BCAS3: variants seen among roughly 807,000 people sequenced by gnomAD.
BCAS3 encodes the protein BCAS4/BCAS3 fusion.
In BCAS3, 53 loss-of-function variants were observed where a neutral mutation model predicts 116.1. The ratio of observed to expected loss-of-function variants is 0.46; its 90% CI spans 0.37 to 0.57. The LOEUF (loss-of-function observed/expected upper bound fraction) is 0.57. BCAS3 is among the 20% of genes least tolerant of loss of function. The pLI, the probability that BCAS3 is intolerant of heterozygous loss-of-function variation, is 0.00. For missense variants in BCAS3, 917 were observed against 1,165.4 expected (o/e 0.79, Z 3.10); for synonymous variants, 391 against 408.2 (o/e 0.96, Z 0.51).
intron 11 of BCAS3, among the ~76,000 whole-genome samples, chr17:60,904,471 C>T (rs1206566907): frequency 6.6e-6 from 1 of 151,974 alleles, no homozygotes; most frequent in Admixed American, 6.6e-5. Context: ...TCTCATACCT[C>T]AATATTGGGA....
chr17:60,805,748 A>G (rs2048212450), intron 6 of BCAS3, among the ~76,000 whole-genome samples: 1 of 151,928 alleles, frequency 6.6e-6, no homozygotes, highest in African/African-American at 2.4e-5. Flanking sequence ...GAATAGCTCG[A>G]ACCTGGGAGG....
At chr17:60,999,784 G>GCATGGAATGCC (rs1375767367) in intron 15 of BCAS3, among the ~76,000 whole-genome samples, 1 of 152,104 alleles carries the variant, frequency 6.6e-6, no homozygotes, top group Non-Finnish European at 1.5e-5. Context: ...CAATCCATGG[G>GCATGGAATGCC]CATGGAATGC....
chr17:60,906,946 C>T (rs377084721), intron 11 of BCAS3, among the ~76,000 whole-genome samples: 6 of 151,980 alleles, frequency 3.9e-5, no homozygotes, highest in East Asian at 1.9e-4. Flanking sequence ...TTACTCTTTC[C>T]GATGACAGCT....
chr17:61,026,936 C>G lies in BCAS3; in HGVS notation c.1638-7730C>G. ...GTGAGTTCCAGTTCAGTCCCGCATGCCTCATTCATTTGCTGTACTCTCAAA... is the reference window on the plus strand; with the variant it reads ...GTGAGTTCCAGTTCAGTCCCGCATGGCTCATTCATTTGCTGTACTCTCAAA... On this transcript the variant is annotated intron_variant, in intron 16 of 23. Coordinates refer to ENST00000407086, the MANE Select transcript of BCAS3 (RefSeq NM_017679.5). The surrounding 1 kb of genome is among the most constrained non-coding windows in gnomAD (Gnocchi z 5.0). 6.3e-7 allele frequency: 1 copy of G among 1,588,578 alleles called. No homozygotes were observed. The highest frequency in any genetic ancestry group is 8.6e-7 in the Non-Finnish European group (1 of 1,164,686).
chr17:60,830,448 A>T (rs2050816995), intron 7 of BCAS3, among the ~76,000 whole-genome samples: 1 of 152,222 alleles, frequency 6.6e-6, no homozygotes, highest in Admixed American at 6.5e-5. Context: ...AATGGGACAA[A>T]CATGAAGTCC....
At chr17:61,191,571 T>A (rs988422777) in intron 22 of BCAS3, among the ~76,000 whole-genome samples, 5 of 151,550 alleles carry the variant, frequency 3.3e-5, no homozygotes, top group African/African-American at 4.9e-5. Context: ...GTCAGGAGAT[T>A]GAGACCATGC....
chr17:60,918,419 A>G (rs2058887675), intron 12 of BCAS3, among the ~76,000 whole-genome samples: 2 of 152,204 alleles, frequency 1.3e-5, no homozygotes, highest in African/African-American at 4.8e-5. Context: ...CACCATGAGC[A>G]CTTAGCATTT....
chr17:61,376,608 G>A lies in BCAS3; in HGVS notation c.2593+8114G>A, dbSNP rs2059353314. 6.6e-6 allele frequency among the ~76,000 whole-genome samples: 1 copy of A among 152,150 alleles called. No individual in the cohort carries two copies. The highest frequency in any genetic ancestry group is 1.5e-5 in the Non-Finnish European group (1 of 68,036). ...CCAAGCCTTACCTCTCCAACTTCCT[G>A]GGTCCCCTTCTCAAGATGCACAAGG... On this transcript the variant is annotated intron_variant, in intron 23 of 23. Coordinates refer to ENST00000407086, the MANE Select transcript of BCAS3 (RefSeq NM_017679.5). This position sits in a 1 kb window ranked among gnomAD's most constrained non-coding sequence, Gnocchi z 4.5.
Position 61,241,450 on chromosome 17 carries a change from C to T in BCAS3, c.2426-126877C>T, listed in dbSNP as rs573216392. 6.6e-6 allele frequency among the ~76,000 whole-genome samples: 1 copy of T among 151,982 alleles called. No homozygotes were observed. The highest frequency in any genetic ancestry group is 1.5e-5 in the Non-Finnish European group (1 of 67,986). On this transcript the variant is annotated intron_variant, in intron 22 of 23. Coordinates refer to ENST00000407086, the MANE Select transcript of BCAS3 (RefSeq NM_017679.5). This position sits in a 1 kb window ranked among gnomAD's most constrained non-coding sequence, Gnocchi z 4.6. ...AGTTTGGGCCTGCGCAGTGGCTCAC[C>T]CCTGTAATCCCAACACTTTGGGAGG...
chr17:60,777,566 T>C (rs7209463), intron 6 of BCAS3, among the ~76,000 whole-genome samples: 41,971 of 151,820 alleles, frequency 0.28, 11,460 homozygotes, highest in African/African-American at 0.72. Flanking sequence ...GTGGAGTTTG[T>C]AGTGAGCTGA....
intron 9 of BCAS3, among the ~76,000 whole-genome samples, chr17:60,879,384 G>A (rs778158773): frequency 2.0e-5 from 3 of 152,206 alleles, no homozygotes; most frequent in Non-Finnish European, 2.9e-5. Context: ...GTCCATCAGA[G>A]CAAGCATCAT....
rs1219425959 is a variant in BCAS3 at position 61,205,077 on chromosome 17, C to A, written c.2425+120513C>A. On this transcript the variant is annotated intron_variant, in intron 22 of 23. Transcript: ENST00000407086. This position sits in a 1 kb window ranked among gnomAD's most constrained non-coding sequence, Gnocchi z 5.2. ...GGATAAAAATTTAGGGAGGCCGATT[C>A]CATCTGCAATCAAAAGCTAACTTTT... 6.6e-6 allele frequency among the ~76,000 whole-genome samples: 1 copy of A among 151,934 alleles called. No homozygotes were observed. Among genetic ancestry groups the A allele is most frequent in the Admixed American group, 6.6e-5 (1 of 15,254 alleles).
At position 60,874,684 on chromosome 17, in the gene BCAS3, G is replaced by A; in HGVS notation, c.607G>A (p.Glu203Lys). The change falls in exon 9 of 24, where the codon GAG becomes AAG. Residue 203 changes from glutamate to lysine, a missense_variant. This residue lies in a region of BCAS3 where 807 missense variants were observed against 1,026.0 expected (regional missense o/e 0.79). Transcript: ENST00000407086. ...TAGGATCCTTGTCGTAGTCTTGCAG[G>A]AGAAAATTGCTGCCTTTGATAGCTG... is the stretch of plus-strand genomic sequence containing the variant. Reference protein sequence around the residue: ...NKRILVVVLQEKIAAFDSCTF... With the variant: ...NKRILVVVLQKKIAAFDSCTF... 3.1e-6 allele frequency: 5 copies of A among 1,610,784 alleles called. No individual in the cohort carries two copies. The highest frequency in any genetic ancestry group is 4.2e-6 in the Non-Finnish European group (5 of 1,178,364).
chr17:61,192,902 C>G (rs2046543429), intron 22 of BCAS3, among the ~76,000 whole-genome samples: 1 of 152,188 alleles, frequency 6.6e-6, no homozygotes, highest in African/African-American at 2.4e-5. Context: ...TGTTCGCTGG[C>G]AATTAAAGCA....
At chr17:61,210,295 G>T (rs1481637371) in intron 22 of BCAS3, among the ~76,000 whole-genome samples, 3 of 152,296 alleles carry the variant, frequency 2.0e-5, no homozygotes, top group South Asian at 4.2e-4. Context: ...CTCCTGAGGG[G>T]TGAAGTAACC....
chr17:61,033,522 A>G (rs903504807), intron 16 of BCAS3, among the ~76,000 whole-genome samples: 2 of 152,192 alleles, frequency 1.3e-5, no homozygotes, highest in African/African-American at 4.8e-5. Context: ...ATTCAACTAC[A>G]TGTTTCTTCC....
rs1023615940 is a variant in BCAS3 at position 60,995,960 on chromosome 17, G to C, written c.1486+5725G>C. On this transcript the variant is annotated intron_variant, in intron 15 of 23. Transcript: ENST00000407086. The surrounding 1 kb of genome is among the most constrained non-coding windows in gnomAD (Gnocchi z 4.7). Reference sequence around the variant, plus strand: ...GATGATGACATCTGAGCAAAGATCTGGTGGAAGTAAGAGAGAAATTCATAT... The same window carrying C: ...GATGATGACATCTGAGCAAAGATCTCGTGGAAGTAAGAGAGAAATTCATAT... Among the ~76,000 whole-genome samples the C allele has an allele frequency of 6.6e-6, 1 of 152,128 alleles. No homozygotes were observed. The highest frequency in any genetic ancestry group is 2.4e-5 in the African/African-American group (1 of 41,434).
chr17:60,894,174 A>G (rs1457937650), intron 10 of BCAS3, among the ~76,000 whole-genome samples: 1 of 152,042 alleles, frequency 6.6e-6, no homozygotes, highest in Non-Finnish European at 1.5e-5. Flanking sequence ...TCTGGCCAGT[A>G]TGGTCATTTA....
chr17:61,170,371 C>A (rs8077416), intron 22 of BCAS3, among the ~76,000 whole-genome samples: 3,812 of 152,078 alleles, frequency 0.025, 141 homozygotes, highest in African/African-American at 0.086. Flanking sequence ...TGGCTCACTG[C>A]AAGCTCCACC....
Sources: allele counts gnomAD v4.1 joint callset (sites outside exome capture counted in the v4.1 genomes callset), GRCh38; gene constraint gnomAD v4.1.1; regional missense constraint gnomAD v4.1.1; non-coding constraint Gnocchi (gnomAD v3.1); transcripts MANE v1.5; gene names NCBI Gene and HGNC (gene_info 2026-07-23, HGNC 2026-07-21).